ELL2: variants seen among roughly 807,000 people sequenced by gnomAD.
ELL2 encodes elongation factor for RNA polymerase II 2, also known as RNA polymerase II elongation factor ELL2.
ELL2 carries 21 observed loss-of-function variants against 72.8 expected under a neutral mutation model. The observed-to-expected ratio is 0.29, with a 90% confidence interval of 0.20 to 0.42. The LOEUF (loss-of-function observed/expected upper bound fraction) is 0.42. ELL2 is among the 10% of genes least tolerant of loss of function. ELL2 has a pLI of 1.00. For missense variants in ELL2, 568 were observed against 772.8 expected (o/e 0.73, Z 3.14); for synonymous variants, 266 against 283.2 (o/e 0.94, Z 0.61).
At chr5:95,945,425 C>T (rs1269935967) in intron 1 of ELL2, among the ~76,000 whole-genome samples, 1 of 152,154 alleles carries the variant, frequency 6.6e-6, no homozygotes, top group Non-Finnish European at 1.5e-5. Flanking sequence ...CGCCTATGCC[C>T]CACAGGATCA....
intron 4 of ELL2, among the ~76,000 whole-genome samples, chr5:95,907,297 T>C (rs1014673373): frequency 5.0e-5 from 4 of 79,970 alleles, no homozygotes; most frequent in Non-Finnish European, 9.3e-5. Context: ...TATATATATA[T>C]TTTTTTTTTT....
chr5:95,959,225 A>G (rs1303328050), intron 1 of ELL2, among the ~76,000 whole-genome samples: 3 of 152,050 alleles, frequency 2.0e-5, no homozygotes, highest in African/African-American at 7.3e-5. Flanking sequence ...TGCTGTAATC[A>G]ACTGTACAGT....
intron 4 of ELL2, 92 bp from the exon 5 acceptor site, chr5:95,906,874 T>C (rs1749383559): frequency 1.5e-6 from 2 of 1,313,492 alleles, no homozygotes; most frequent in African/African-American, 3.0e-5. Flanking sequence ...TACCTCTTCA[T>C]TTCTAGAGGA....
chr5:95,915,195 C>T (rs192311951), intron 3 of ELL2, among the ~76,000 whole-genome samples: 11 of 152,242 alleles, frequency 7.2e-5, no homozygotes, highest in African/African-American at 2.2e-4. Context: ...CTCTGCCTCC[C>T]GGGTTCAAGT....
intron 1 of ELL2, among the ~76,000 whole-genome samples, chr5:95,949,608 A>C (rs1751298928): frequency 6.6e-6 from 1 of 152,040 alleles, no homozygotes; most frequent in Non-Finnish European, 1.5e-5. Flanking sequence ...AAGAATTCTT[A>C]AATTATTTGA....
At chr5:95,913,970 C>T (rs1165707062) in intron 3 of ELL2, 36 bp from the exon 4 acceptor site, 5 of 1,534,774 alleles carry the variant, frequency 3.3e-6, no homozygotes, top group Non-Finnish European at 4.4e-6. Context: ...TAGACATGAC[C>T]TTCATTTTGT....
In ELL2 at chr5:95,956,678, TA is replaced by T. The variant is rs1420870550; in HGVS notation, c.147+4896del. 2.0e-5 allele frequency among the ~76,000 whole-genome samples: 3 copies of T among 152,142 alleles called. No individual in the cohort carries two copies. In the East Asian group the frequency reaches 5.8e-4, roughly 29 times the overall value. On this transcript the variant is annotated intron_variant, in intron 1 of 11. Transcript: ENST00000237853. ...TCTTAAACTATAATGAATCAAATGC[TA>T]AAAAGTTCACCTGGTAGAAAAAAAG... is the stretch of plus-strand genomic sequence containing the variant.
intron 10 of ELL2, among the ~76,000 whole-genome samples, chr5:95,890,565 T>C (rs1748622383): frequency 6.6e-6 from 1 of 152,228 alleles, no homozygotes; most frequent in African/African-American, 2.4e-5. Flanking sequence ...CCACTTCAAG[T>C]AGGAAAGTGA....
At chr5:95,911,386 G>A (rs1451264977) in intron 4 of ELL2, among the ~76,000 whole-genome samples, 1 of 149,492 alleles carries the variant, frequency 6.7e-6, no homozygotes, top group African/African-American at 2.5e-5. Context: ...TCTCCAAGTT[G>A]GAGTGCAGTG....
intron 3 of ELL2, among the ~76,000 whole-genome samples, chr5:95,918,610 C>T (rs1435992970): frequency 6.6e-6 from 1 of 152,110 alleles, no homozygotes; most frequent in African/African-American, 2.4e-5. Context: ...TCAAGTACTG[C>T]ACAGATAAGT....
intron 10 of ELL2, among the ~76,000 whole-genome samples, chr5:95,890,581 G>A (rs1748623052): frequency 6.6e-6 from 1 of 152,230 alleles, no homozygotes; most frequent in Non-Finnish European, 1.5e-5. Flanking sequence ...AGTGAAAACA[G>A]AGTAAGACTG....
At position 95,901,072 on chromosome 5, in the gene ELL2, A is replaced by G; in HGVS notation, c.750T>C (p.Asn250=). Residue 250 remains asparagine (N), a synonymous_variant, in exon 6 of 12, where the codon AAT becomes AAC. Transcript: ENST00000237853. ...SLGAILQQVA[N]LNSKDLSYTL... ...TATATGAGAGGTCCTTAGAATTCAGATTGGCTACCTAGTATGAGGTATAAA... is the reference window on the plus strand; with the variant it reads ...TATATGAGAGGTCCTTAGAATTCAGGTTGGCTACCTAGTATGAGGTATAAA... 6.2e-7 allele frequency: 1 copy of G among 1,602,944 alleles called. No homozygotes were observed. Among genetic ancestry groups the G allele is most frequent in the South Asian group, 1.1e-5 (1 of 88,162 alleles).
At chr5:95,904,208 G>A (rs1749260607) in intron 5 of ELL2, among the ~76,000 whole-genome samples, 1 of 152,184 alleles carries the variant, frequency 6.6e-6, no homozygotes, top group Non-Finnish European at 1.5e-5. Flanking sequence ...TAAGCTCCAT[G>A]AGGGCAGGGT....
rs113392654 is a variant in ELL2, at chr5:95,940,973, G to C, written c.195+2029C>G. On this transcript the variant is annotated intron_variant, in intron 2 of 11. Coordinates refer to ENST00000237853, the MANE Select transcript of ELL2 (RefSeq NM_012081.6). ...CTGGGGAGAGCTCTGCAAAAAGAAG[G>C]GGGGGAGGGGTGGATGGAATGCAGC... Among the ~76,000 whole-genome samples, 384 of 152,178 alleles carry C rather than the reference G, an allele frequency of 2.5e-3. 1 individual carries two copies. The highest frequency in any genetic ancestry group is 8.6e-3 in the African/African-American group (359 of 41,522).
intron 2 of ELL2, among the ~76,000 whole-genome samples, chr5:95,922,491 G>A (rs1453529702): frequency 6.6e-6 from 1 of 152,142 alleles, no homozygotes; most frequent in African/African-American, 2.4e-5. Flanking sequence ...CTTCATGGCT[G>A]GAGTCCTTTA....
At chr5:95,910,097 T>C (rs550597794) in intron 4 of ELL2, among the ~76,000 whole-genome samples, 2 of 152,314 alleles carry the variant, frequency 1.3e-5, no homozygotes, top group Non-Finnish European at 2.9e-5. Flanking sequence ...CCAAAATATA[T>C]ATACTGAACA....
At chr5:95,951,039 C>T (rs1751376472) in intron 1 of ELL2, among the ~76,000 whole-genome samples, 1 of 149,546 alleles carries the variant, frequency 6.7e-6, no homozygotes, top group Admixed American at 6.7e-5. Flanking sequence ...ACCAAACAAC[C>T]AGCCAAAAAG....
At chr5:95,948,899 A>G (rs922830930) in intron 1 of ELL2, among the ~76,000 whole-genome samples, 3 of 152,242 alleles carry the variant, frequency 2.0e-5, no homozygotes, top group African/African-American at 4.8e-5. Flanking sequence ...GATGGTTTGC[A>G]GTCAAAAGAT....
chr5:95,955,096 A>G (rs1196701896), intron 1 of ELL2, among the ~76,000 whole-genome samples: 1 of 151,598 alleles, frequency 6.6e-6, no homozygotes, highest in Non-Finnish European at 1.5e-5. Context: ...CCTAGCTACC[A>G]CTCTTCTTTG....
Sources: allele counts gnomAD v4.1 joint callset (sites outside exome capture counted in the v4.1 genomes callset), GRCh38; gene constraint gnomAD v4.1.1; transcripts MANE v1.5; gene names NCBI Gene and HGNC (gene_info 2026-07-23, HGNC 2026-07-21).